The following C3orf70 variants were observed in gnomAD, a reference collection of about 807,000 sequenced individuals.
C3orf70 encodes the protein chromosome 3 open reading frame 70, also known as UPF0524 protein C3orf70.
A neutral mutation model predicts 20.7 loss-of-function variants in C3orf70; 15 were observed. The observed-to-expected ratio is 0.72, with a 90% CI of 0.48 to 1.11. The LOEUF (loss-of-function observed/expected upper bound fraction) is 1.11, where lower values mean the gene tolerates loss of function less well. Among genes scored for constraint, C3orf70 ranks in the 50% most tolerant of loss-of-function variants. The probability of loss-of-function intolerance (pLI) is 0.00; values close to 1 mark genes in which losing one functional copy is unlikely to be tolerated. For missense variants in C3orf70, 332 were observed against 317.6 expected (o/e 1.05, Z -0.34); for synonymous variants, 161 against 125.7 (o/e 1.28, Z -1.88).
intron 1 of C3orf70, among the ~76,000 whole-genome samples, chr3:185,095,542 C>CT (rs1190655105): frequency 2.0e-5 from 3 of 152,122 alleles, no homozygotes; most frequent in Admixed American, 1.3e-4. Context: ...GAAAAGGGTG[C>CT]TAACAAGTCA....
intron 1 of C3orf70, among the ~76,000 whole-genome samples, chr3:185,134,854 T>A (rs1716590362): frequency 6.6e-6 from 1 of 151,998 alleles, no homozygotes; most frequent in South Asian, 2.1e-4. Flanking sequence ...CATGGTGGTA[T>A]CAGTGGAGGC....
At position 185,077,834 on chromosome 3, in the gene C3orf70, C is replaced by G. The variant is rs1715231565; in HGVS notation, c.*5173G>C. Among the ~76,000 whole-genome samples, 1 of 149,966 alleles carries G rather than the reference C, an allele frequency of 6.7e-6. No homozygotes were observed. The highest frequency in any genetic ancestry group is 1.5e-5 in the Non-Finnish European group (1 of 67,896). On this transcript the variant is annotated 3_prime_UTR_variant, in exon 2 of 2. Coordinates refer to ENST00000335012, the MANE Select transcript of C3orf70 (RefSeq NM_001025266.3). ...TTATTTGCTATAAACCCAATGTAGC[C>G]AGAGTTCTGGGAGTTATCATGAGTG...
chr3:185,150,091 G>C (rs1716957848), intron 1 of C3orf70, among the ~76,000 whole-genome samples: 1 of 152,054 alleles, frequency 6.6e-6, no homozygotes, highest in Non-Finnish European at 1.5e-5. Context: ...GTGTTGGTAG[G>C]ATTTCAATAA....
At chr3:185,112,078 G>C (rs1339975814) in intron 1 of C3orf70, among the ~76,000 whole-genome samples, 2 of 152,080 alleles carry the variant, frequency 1.3e-5, no homozygotes, top group East Asian at 1.9e-4. Flanking sequence ...ATCACCGGAG[G>C]TCAGGAGTTC....
intron 1 of C3orf70, among the ~76,000 whole-genome samples, chr3:185,106,136 C>A (rs559236839): frequency 2.6e-4 from 39 of 152,180 alleles, no homozygotes; most frequent in Non-Finnish European, 4.7e-4. Context: ...CTCGAGCAAC[C>A]GCTCTAAGTT....
rs1715900268 is a variant in C3orf70 at position 185,105,048 on chromosome 3, G to C, written c.197-21485C>G. ...GATTACCAGACATATCAAATAAGGAGAAAATACAACTAATAATGTAGAAAG... is the reference window on the plus strand; with the variant it reads ...GATTACCAGACATATCAAATAAGGACAAAATACAACTAATAATGTAGAAAG... On this transcript the variant is annotated intron_variant, in intron 1 of 1. Transcript: ENST00000335012. 2.0e-5 allele frequency among the ~76,000 whole-genome samples: 3 copies of C among 152,260 alleles called. No homozygotes were observed. In the South Asian group the frequency reaches 6.2e-4, roughly 32 times the overall value.
intron 1 of C3orf70, among the ~76,000 whole-genome samples, chr3:185,090,814 C>A (rs1005197440): frequency 4.6e-5 from 7 of 152,074 alleles, no homozygotes; most frequent in African/African-American, 1.7e-4. Context: ...GTCAATACAC[C>A]AATATTTTTG....
At chr3:185,085,140 T>G (rs1288949318) in intron 1 of C3orf70, among the ~76,000 whole-genome samples, 2 of 152,212 alleles carry the variant, frequency 1.3e-5, no homozygotes, top group East Asian at 1.9e-4. Context: ...ATTTATGGTA[T>G]CTTCATGAGC....
rs1350929808 is a variant in C3orf70 at position 185,083,593 on chromosome 3, CT to C, written c.197-31del. ...GAAGACACAAAAAGACACTTGAAAT[CT>C]ATATTACACAAACTATATTAACATG... is the stretch of plus-strand genomic sequence containing the variant. On this transcript the variant is annotated intron_variant, in intron 1 of 1. Coordinates refer to ENST00000335012, the MANE Select transcript of C3orf70 (RefSeq NM_001025266.3). 5.3e-6 allele frequency: 8 copies of C among 1,518,184 alleles called. No individual in the cohort carries two copies. In the Admixed American group the frequency reaches 1.6e-4, roughly 31 times the overall value. 94.0% of individuals were successfully genotyped at this position (1,518,184 alleles called of 1,614,324 possible).
chr3:185,089,943 A>T (rs1715530931), intron 1 of C3orf70, among the ~76,000 whole-genome samples: 1 of 152,210 alleles, frequency 6.6e-6, no homozygotes, highest in African/African-American at 2.4e-5. Flanking sequence ...ATGCCTTTTC[A>T]CAATGCCTCA....
In C3orf70 at chr3:185,133,599, G is replaced by C. The variant is rs562109022; in HGVS notation, c.196+19029C>G. On this transcript the variant is annotated intron_variant, in intron 1 of 1. Coordinates refer to ENST00000335012, the MANE Select transcript of C3orf70 (RefSeq NM_001025266.3). ...CTCTACCAAAAACACAAAAAAATTA[G>C]CCAGGCATGGTGCACACCTGAATCA... Among the ~76,000 whole-genome samples the C allele has an allele frequency of 4.6e-5, 7 of 152,144 alleles. No individual in the cohort carries two copies. In the South Asian group the frequency reaches 1.5e-3, roughly 32 times the overall value.
intron 1 of C3orf70, among the ~76,000 whole-genome samples, chr3:185,136,178 T>C (rs994315510): frequency 6.6e-6 from 1 of 152,036 alleles, no homozygotes; most frequent in Admixed American, 6.6e-5. Context: ...TCAACTAAAG[T>C]CAACTTCACA....
chr3:185,111,835 A>T (rs141000065), intron 1 of C3orf70, among the ~76,000 whole-genome samples: 152 of 152,292 alleles, frequency 1.0e-3, no homozygotes, highest in African/African-American at 3.5e-3. Context: ...GAACAAGATA[A>T]ATACCAGAAA....
chr3:185,111,466 T>A (rs990095630), intron 1 of C3orf70, among the ~76,000 whole-genome samples: 1 of 151,982 alleles, frequency 6.6e-6, no homozygotes, highest in Admixed American at 6.5e-5. Flanking sequence ...AATAAGCAAA[T>A]GAAAAAATGC....
intron 1 of C3orf70, among the ~76,000 whole-genome samples, chr3:185,108,336 T>C (rs975400345): frequency 5.9e-5 from 9 of 152,216 alleles, no homozygotes; most frequent in Admixed American, 3.3e-4. Flanking sequence ...GTAGCTGTAA[T>C]TGAGGTATTG....
intron 1 of C3orf70, among the ~76,000 whole-genome samples, chr3:185,150,174 C>G (rs1716963248): frequency 6.6e-6 from 1 of 152,134 alleles, no homozygotes; most frequent in East Asian, 1.9e-4. Context: ...AACTAGGTGG[C>G]TAGGTAATTG....
In C3orf70 at chr3:185,079,038, T is replaced by C. The variant is rs1244584986; in HGVS notation, c.*3969A>G. On this transcript the variant is annotated 3_prime_UTR_variant, in exon 2 of 2. Coordinates refer to ENST00000335012, the MANE Select transcript of C3orf70 (RefSeq NM_001025266.3). ...GGTTCACGCCTGCAATCCCAGCACT[T>C]TGGGAAGCCGAGGAGGGTGGATCAC... 6.6e-6 allele frequency: 1 copy of C among 151,940 alleles called. No individual in the cohort carries two copies. The highest frequency in any genetic ancestry group is 1.9e-4 in the East Asian group (1 of 5,184). 9.4% of individuals were successfully genotyped at this position (151,940 alleles called of 1,614,324 possible).
At chr3:185,145,848 C>T (rs1179351004) in intron 1 of C3orf70, among the ~76,000 whole-genome samples, 1 of 152,232 alleles carries the variant, frequency 6.6e-6, no homozygotes, top group Non-Finnish European at 1.5e-5. Context: ...TGCACATAGC[C>T]ATGATGTGTG....
At chr3:185,095,278 A>T (rs918449188) in intron 1 of C3orf70, among the ~76,000 whole-genome samples, 1 of 152,200 alleles carries the variant, frequency 6.6e-6, no homozygotes, top group South Asian at 2.1e-4. Context: ...GTCTGAAAAA[A>T]TCCATTTTGA....
Sources: allele counts gnomAD v4.1 joint callset (sites outside exome capture counted in the v4.1 genomes callset), GRCh38; gene constraint gnomAD v4.1.1; transcripts MANE v1.5; gene names NCBI Gene and HGNC (gene_info 2026-07-23, HGNC 2026-07-21).